The following EPB41L2 variants were observed in gnomAD, a reference collection of about 807,000 sequenced individuals.
The protein encoded by EPB41L2 is erythrocyte membrane protein band 4.1 like 2, also known as band 4.1-like protein 2.
Under a neutral mutation model 113.0 loss-of-function variants are expected in EPB41L2, and 43 were observed. That is an observed-to-expected ratio of 0.38 (90% CI 0.30 to 0.49). The LOEUF is 0.49. EPB41L2 is among the 20% of genes least tolerant of loss of function. The pLI, the probability that EPB41L2 is intolerant of heterozygous loss-of-function variation, is 0.95. For synonymous variants in EPB41L2, 442 were observed against 436.7 expected (o/e 1.01, Z -0.15); for missense variants, 1,147 against 1,223.4 (o/e 0.94, Z 0.93).
chr6:130,856,164 A>C (rs1388504699), intron 19 of EPB41L2, among the ~76,000 whole-genome samples: 1 of 152,218 alleles, frequency 6.6e-6, no homozygotes, highest in South Asian at 2.1e-4. Flanking sequence ...AACAATGTTA[A>C]ATTTCTACAT....
At chr6:131,058,835 G>GT (rs1798103246) in intron 1 of EPB41L2, among the ~76,000 whole-genome samples, 1 of 152,116 alleles carries the variant, frequency 6.6e-6, no homozygotes, top group Admixed American at 6.5e-5. Flanking sequence ...GGTCAACATG[G>GT]TGAAACCCTG....
intron 1 of EPB41L2, among the ~76,000 whole-genome samples, chr6:131,028,239 T>C (rs944748782): frequency 2.0e-5 from 3 of 152,132 alleles, no homozygotes; most frequent in Non-Finnish European, 2.9e-5. Context: ...CTTAGAAGAG[T>C]ATATGCCAAA....
At chr6:130,872,669 G>A (rs1253259532) in intron 14 of EPB41L2, 7 of 586,348 alleles carry the variant, frequency 1.2e-5, no homozygotes, top group Non-Finnish European at 1.5e-5. Flanking sequence ...GAAAAGATGA[G>A]AATTCTGACA....
intron 1 of EPB41L2, among the ~76,000 whole-genome samples, chr6:131,021,350 C>T (rs188101214): frequency 7.1e-4 from 108 of 152,210 alleles, no homozygotes; most frequent in African/African-American, 2.6e-3. Flanking sequence ...CACACCACTA[C>T]CCTCTGAACA....
chr6:130,999,871 T>A (rs532006653), intron 1 of EPB41L2, among the ~76,000 whole-genome samples: 1 of 152,174 alleles, frequency 6.6e-6, no homozygotes, highest in Non-Finnish European at 1.5e-5. Flanking sequence ...TTTTAGAATA[T>A]CCTGAGCAAA....
At chr6:131,008,082 C>T (rs935268840) in intron 1 of EPB41L2, among the ~76,000 whole-genome samples, 10 of 152,232 alleles carry the variant, frequency 6.6e-5, no homozygotes, top group African/African-American at 1.7e-4. Context: ...AAAATGTCTC[C>T]AGGGTATGTG....
intron 3 of EPB41L2, among the ~76,000 whole-genome samples, chr6:130,933,820 A>C (rs1807796643): frequency 1.3e-5 from 2 of 152,152 alleles, no homozygotes; most frequent in South Asian, 4.1e-4. Context: ...GAGGCCTCTC[A>C]ACTTGGAGGA....
chr6:131,044,236 G>T (rs7758016), intron 1 of EPB41L2, among the ~76,000 whole-genome samples: 1 of 151,162 alleles, frequency 6.6e-6, no homozygotes, highest in Non-Finnish European at 1.5e-5. Context: ...ATGTTGCCCC[G>T]GCTGGTCTCA....
At chr6:131,031,741 C>T (rs17180547) in intron 1 of EPB41L2, among the ~76,000 whole-genome samples, 20,224 of 152,168 alleles carry the variant, frequency 0.13, 1,422 homozygotes, top group Admixed American at 0.16. Flanking sequence ...GACCATGAAG[C>T]TCTGATAATA....
At chr6:130,858,022 G>C in intron 19 of EPB41L2, 109 bp downstream of exon 19, 1 of 865,244 alleles carries the variant, frequency 1.2e-6, no homozygotes, top group East Asian at 2.5e-5. Flanking sequence ...AAAGTCAAAT[G>C]TACTATAGGA....
Position 130,974,716 on chromosome 6 carries a change from TC to T in EPB41L2, c.-14-18218del, listed in dbSNP as rs369295630. 3.9e-4 allele frequency among the ~76,000 whole-genome samples: 51 copies of T among 130,878 alleles called. 1 individual carries two copies. The highest frequency in any genetic ancestry group is 1.7e-4 in the Admixed American group (2 of 11,790). The allele number at this position is 130,878 out of a possible 152,430, so 85.9% of individuals were successfully genotyped here. A position where few individuals can be genotyped will look rare whatever the true frequency, so the allele number is the denominator to read the frequency against. On this transcript the variant is annotated intron_variant, in intron 1 of 19. Coordinates refer to ENST00000337057, the MANE Select transcript of EPB41L2 (RefSeq NM_001431.4). ...AGGCAGCCTCTTTTTTCTTTTCTTT[TC>T]TTTTTTTTTTTTTTTTTTTTTTTTT...
chr6:131,027,995 T>C (rs909783762), intron 1 of EPB41L2, among the ~76,000 whole-genome samples: 1 of 152,164 alleles, frequency 6.6e-6, no homozygotes, highest in African/African-American at 2.4e-5. Flanking sequence ...CAAATACCAG[T>C]AAACAGAAAG....
Position 130,870,087 on chromosome 6 carries a change from G to C in EPB41L2, c.2083C>G (p.Arg695Gly). Reference sequence around the variant, plus strand: ...CTTTCGTCTTTCCCAACCTCTGCCCGCTTCTTCTCCTCCACTATATTCAGA... The same window carrying C: ...CTTTCGTCTTTCCCAACCTCTGCCCCCTTCTTCTCCTCCACTATATTCAGA... ...ETLNIVEEKK[R>G]AEVGKDERVI... Residue 695 changes from arginine to glycine, a missense_variant, in exon 15 of 20, where the codon CGG becomes GGG. By Grantham distance (125) the Arg-to-Gly change is moderately radical. Coordinates refer to ENST00000337057, the MANE Select transcript of EPB41L2 (RefSeq NM_001431.4). 1 of 1,613,240 alleles carries C rather than the reference G, an allele frequency of 6.2e-7. No homozygotes were observed. The highest frequency in any genetic ancestry group is 8.5e-7 in the Non-Finnish European group (1 of 1,179,662).
intron 4 of EPB41L2, among the ~76,000 whole-genome samples, chr6:130,912,910 G>A (rs1799868900): frequency 6.6e-6 from 1 of 152,124 alleles, no homozygotes; most frequent in South Asian, 2.1e-4. Context: ...AAAGTCCCCA[G>A]AATATTAACA....
intron 1 of EPB41L2, among the ~76,000 whole-genome samples, chr6:131,044,113 C>T (rs1358701933): frequency 6.7e-6 from 1 of 148,966 alleles, no homozygotes; most frequent in African/African-American, 2.5e-5. Context: ...CCTTGACCTC[C>T]TGAGCTCAGG....
intron 3 of EPB41L2, among the ~76,000 whole-genome samples, chr6:130,933,287 A>T (rs1807536873): frequency 6.6e-6 from 1 of 152,230 alleles, no homozygotes; most frequent in Non-Finnish European, 1.5e-5. Context: ...CTCTATTCTA[A>T]TAATATGATA....
At chr6:130,960,868 C>A (rs1168766061) in intron 1 of EPB41L2, among the ~76,000 whole-genome samples, 1 of 152,108 alleles carries the variant, frequency 6.6e-6, no homozygotes, top group African/African-American at 2.4e-5. Context: ...GCTGACATTC[C>A]CACTAAAATG....
chr6:130,955,055 A>G, intron 3 of EPB41L2, 50 bp downstream of exon 3: 2 of 1,523,040 alleles, frequency 1.3e-6, no homozygotes, highest in South Asian at 2.3e-5. Flanking sequence ...TCATCATGCC[A>G]TGCCACAATC....
intron 3 of EPB41L2, among the ~76,000 whole-genome samples, chr6:130,954,394 G>A (rs1435346173): frequency 2.0e-5 from 3 of 152,008 alleles, no homozygotes; most frequent in East Asian, 3.9e-4. Context: ...TAAGCCCTAA[G>A]TTCCCCGTTG....
Sources: gnomAD v4.1 joint callset for allele counts (sites outside exome capture counted in the v4.1 genomes callset) on GRCh38, gnomAD v4.1.1 for gene constraint, MANE v1.5 for transcripts, NCBI Gene and HGNC (gene_info 2026-07-23, HGNC 2026-07-21) for gene names.